The following THSD4 variants were observed in gnomAD, a reference collection of about 807,000 sequenced individuals.
The protein encoded by THSD4 is thrombospondin type 1 domain containing 4, also known as thrombospondin type-1 domain-containing protein 4.
A neutral mutation model predicts 119.0 loss-of-function variants in THSD4; 69 were observed. The ratio of observed to expected loss-of-function variants is 0.58; its 90% CI spans 0.48 to 0.71. THSD4 has a LOEUF of 0.71. Ranked by LOEUF, THSD4 falls within the 30% of genes least tolerant of loss-of-function variation. The pLI, the probability that THSD4 is intolerant of heterozygous loss-of-function variation, is 0.00. For missense variants in THSD4, 1,393 were observed against 1,391.1 expected, an observed-to-expected ratio of 1.00 and a Z score of -0.02; for synonymous variants, 524 against 540.4, an observed-to-expected ratio of 0.97 and a Z score of 0.42.
At chr15:71,610,834 A>AG (rs2050209908) in intron 7 of THSD4, among the ~76,000 whole-genome samples, 1 of 152,194 alleles carries the variant, frequency 6.6e-6, no homozygotes, top group South Asian at 2.1e-4. Context: ...AGAGAGCAGT[A>AG]GGGGCAGTTA....
chr15:71,618,417 G>A (rs2050359102), intron 7 of THSD4, among the ~76,000 whole-genome samples: 1 of 152,150 alleles, frequency 6.6e-6, no homozygotes, highest in Admixed American at 6.5e-5. Context: ...AAAAACAACA[G>A]AGCGCAGAAA....
At chr15:71,097,869 GT>G (rs924104342) in intron 1 of THSD4, among the ~76,000 whole-genome samples, 33 of 151,708 alleles carry the variant, frequency 2.2e-4, no homozygotes, top group Non-Finnish European at 4.1e-4. Context: ...ACTGAGGCAA[GT>G]TTTTTGCCAA....
intron 7 of THSD4, among the ~76,000 whole-genome samples, chr15:71,549,250 C>A (rs1038491081): frequency 1.3e-5 from 2 of 152,178 alleles, no homozygotes; most frequent in Non-Finnish European, 2.9e-5. Flanking sequence ...TAGTGAGATG[C>A]CTGCCCTCCT....
intron 3 of THSD4, among the ~76,000 whole-genome samples, chr15:71,156,669 G>A (rs1198844928): frequency 6.6e-6 from 1 of 152,118 alleles, no homozygotes; most frequent in African/African-American, 2.4e-5. Context: ...GCAGTTCTTT[G>A]CGTTCTTATC....
At chr15:71,125,898 G>A (rs1350167147) in intron 1 of THSD4, among the ~76,000 whole-genome samples, 1 of 152,232 alleles carries the variant, frequency 6.6e-6, no homozygotes, top group East Asian at 1.9e-4. Flanking sequence ...TGTTGTTTAG[G>A]GGGTGGTGGC....
chr15:71,531,806 A>G (rs188761143), intron 7 of THSD4, among the ~76,000 whole-genome samples: 1 of 152,302 alleles, frequency 6.6e-6, no homozygotes, highest in African/African-American at 2.4e-5. Flanking sequence ...TCTCCCCGAT[A>G]TTTTCCAGCT....
At chr15:71,697,418 C>T (rs2052186373) in intron 8 of THSD4, among the ~76,000 whole-genome samples, 1 of 152,198 alleles carries the variant, frequency 6.6e-6, no homozygotes, top group Non-Finnish European at 1.5e-5. Flanking sequence ...TTCAGGACAA[C>T]TCTTGCTCAG....
At chr15:71,579,455 C>G (rs1052648277) in intron 7 of THSD4, among the ~76,000 whole-genome samples, 7 of 152,164 alleles carry the variant, frequency 4.6e-5, no homozygotes, top group African/African-American at 1.2e-4. Flanking sequence ...AAACAAGTCC[C>G]CAGAAGAGGG....
At position 71,584,262 on chromosome 15, in the gene THSD4, C is replaced by CTTTTTTT. The variant is rs71154789; in HGVS notation, c.1153-76251_1153-76245dup. Reference sequence around the variant, plus strand: ...TCACGTGGATTTTTTTTTTCACTTTCTTTTTTTTTTTTTTTTTTTTTTTGA... The same window carrying CTTTTTTT: ...TCACGTGGATTTTTTTTTTCACTTTCTTTTTTTTTTTTTTTTTTTTTTTTTTTTTTGA... On this transcript the variant is annotated intron_variant, in intron 7 of 17. Transcript: ENST00000261862. Among the ~76,000 whole-genome samples, 314 of 61,782 alleles carry CTTTTTTT rather than the reference C, an allele frequency of 5.1e-3. 22 individuals are homozygous for CTTTTTTT. The highest frequency in any genetic ancestry group is 7.0e-3 in the African/African-American group (92 of 13,180). 40.5% of individuals were successfully genotyped at this position (61,782 alleles called of 152,430 possible).
intron 7 of THSD4, among the ~76,000 whole-genome samples, chr15:71,492,766 A>G (rs565855323): frequency 1.8e-4 from 28 of 152,210 alleles, no homozygotes; most frequent in South Asian, 1.5e-3. Context: ...GAAGCTCCCT[A>G]TTGTTTCTAA....
rs878901798 is a variant in THSD4, at chr15:71,164,039, T to G, written c.99+9107T>G. 7.2e-5 allele frequency among the ~76,000 whole-genome samples: 11 copies of G among 152,198 alleles called. No individual in the cohort carries two copies. In the South Asian group the frequency reaches 1.2e-3, roughly 17 times the overall value. On this transcript the variant is annotated intron_variant, in intron 3 of 17. Coordinates refer to ENST00000261862, the MANE Select transcript of THSD4 (RefSeq NM_024817.3). ...TAGTAATCCCATGCTTTGAGTAGAT[T>G]GATTACTCTTCAGTTTGTAAATGTA...
At chr15:71,345,883 G>A (rs1447572348) in intron 6 of THSD4, among the ~76,000 whole-genome samples, 2 of 151,376 alleles carry the variant, frequency 1.3e-5, no homozygotes, top group African/African-American at 4.9e-5. Context: ...TTTGTTTTCG[G>A]ACTTACTTGA....
In THSD4 at chr15:71,215,160, GC is replaced by G; in HGVS notation, c.226del (p.Gln76ArgfsTer172). ...SRSCSGGVME[Q>X]TRPCLPRSYR... ...GTAGCTGCAGCGGCGGCGTGATGGA[GC>G]AGACGCGGCCCTGCCTGCCCCGCTC... On this transcript the variant is annotated frameshift_variant, in exon 4 of 18. Transcript: ENST00000261862. LOFTEE classifies it high-confidence loss of function. The G allele has an allele frequency of 2.2e-6, 3 of 1,378,846 alleles. No homozygotes were observed. Among genetic ancestry groups the G allele is most frequent in the South Asian group, 1.6e-5 (1 of 62,762 alleles). 85.4% of individuals were successfully genotyped at this position (1,378,846 alleles called of 1,614,324 possible). A position where few individuals can be genotyped will look rare whatever the true frequency, so the allele number is the denominator to read the frequency against.
chr15:71,312,345 G>A (rs1475052717), intron 6 of THSD4, among the ~76,000 whole-genome samples: 1 of 151,988 alleles, frequency 6.6e-6, no homozygotes, highest in African/African-American at 2.4e-5. Flanking sequence ...GGGGTGGAGT[G>A]GGGAGTGGGG....
At position 71,226,166 on chromosome 15, in the gene THSD4, T is replaced by C. The variant is rs1362612819; in HGVS notation, c.464+10767T>C. On this transcript the variant is annotated intron_variant, in intron 4 of 17. Coordinates refer to ENST00000261862, the MANE Select transcript of THSD4 (RefSeq NM_024817.3). ...ATAAAATATGAATAATTATATGTCCTCTGCCTACCACACAAGCCTGTTGTG... is the reference window on the plus strand; with the variant it reads ...ATAAAATATGAATAATTATATGTCCCCTGCCTACCACACAAGCCTGTTGTG... Among the ~76,000 whole-genome samples the C allele has an allele frequency of 2.6e-5, 4 of 152,278 alleles. No individual in the cohort carries two copies. The South Asian group carries it at 8.3e-4, about 32-fold the overall frequency.
chr15:71,355,935 T>C (rs2045804138), intron 6 of THSD4, among the ~76,000 whole-genome samples: 1 of 152,172 alleles, frequency 6.6e-6, no homozygotes, highest in Admixed American at 6.5e-5. Flanking sequence ...TGGCACAATC[T>C]TGGCTCACTG....
intron 7 of THSD4, among the ~76,000 whole-genome samples, chr15:71,521,971 C>T (rs1399267202): frequency 2.0e-5 from 3 of 152,146 alleles, no homozygotes; most frequent in Non-Finnish European, 4.4e-5. Context: ...CAGTCTGTGT[C>T]CCTTTGTGTA....
intron 1 of THSD4, among the ~76,000 whole-genome samples, chr15:71,118,284 C>T (rs1235368856): frequency 6.6e-6 from 1 of 152,168 alleles, no homozygotes; most frequent in Non-Finnish European, 1.5e-5. Flanking sequence ...TGCTTGAAGG[C>T]CATCCCTCCA....
intron 7 of THSD4, among the ~76,000 whole-genome samples, chr15:71,521,014 T>C (rs922725466): frequency 1.3e-5 from 2 of 152,226 alleles, no homozygotes; most frequent in Non-Finnish European, 2.9e-5. Context: ...CATACTGATG[T>C]TGAAATGTTG....
Sources: gnomAD v4.1 joint callset for allele counts (sites outside exome capture counted in the v4.1 genomes callset) on GRCh38, gnomAD v4.1.1 for gene constraint, MANE v1.5 for transcripts, NCBI Gene and HGNC (gene_info 2026-07-23, HGNC 2026-07-21) for gene names.